SOX5: variants seen among roughly 807,000 people sequenced by gnomAD.
SOX5 encodes the protein transcription factor SOX-5.
A neutral mutation model predicts 92.0 loss-of-function variants in SOX5; 9 were observed. The ratio of observed to expected loss-of-function variants is 0.10; its 90% CI spans 0.06 to 0.17. The LOEUF (loss-of-function observed/expected upper bound fraction) is 0.17, where lower values mean the gene tolerates loss of function less well. Among genes scored for constraint, SOX5 ranks in the 10% least tolerant of loss-of-function variants. SOX5 has a pLI of 1.00. For synonymous variants in SOX5, 344 were observed against 336.3 expected (o/e 1.02, Z -0.25); for missense variants, 642 against 944.5 (o/e 0.68, Z 4.20).
At chr12:23,536,380 C>G in intron 14 of SOX5, 73 bp downstream of exon 14, 2 of 1,202,076 alleles carry the variant, frequency 1.7e-6, no homozygotes, top group Non-Finnish European at 2.4e-6. Flanking sequence ...TGCAACTGAA[C>G]AAATATGTTT....
chr12:23,539,681 G>A (rs1398563679), intron 13 of SOX5, among the ~76,000 whole-genome samples: 2 of 151,922 alleles, frequency 1.3e-5, no homozygotes, highest in Non-Finnish European at 2.9e-5. Context: ...TAAATTCTCA[G>A]ATAAGTTGGC....
At chr12:23,831,138 A>C (rs75857922) in intron 3 of SOX5, among the ~76,000 whole-genome samples, 4,437 of 152,266 alleles carry the variant, frequency 0.029, 84 homozygotes, top group Non-Finnish European at 0.045. Context: ...AAACATTTGT[A>C]AGAAAAATTA....
At chr12:23,918,925 G>GA (rs111430391) in intron 1 of SOX5, among the ~76,000 whole-genome samples, 5,092 of 126,564 alleles carry the variant, frequency 0.04, 267 homozygotes, top group African/African-American at 0.13. Context: ...TCAAAAAAAA[G>GA]AAAAAAAAAG....
intron 6 of SOX5, among the ~76,000 whole-genome samples, chr12:23,683,089 T>A (rs2086897161): frequency 6.6e-6 from 1 of 151,884 alleles, no homozygotes; most frequent in Non-Finnish European, 1.5e-5. Flanking sequence ...GTGATAGCAT[T>A]TACACAAATT....
rs147823662 is a variant in SOX5, at chr12:23,775,722, A to G, written c.482-19998T>C. On this transcript the variant is annotated intron_variant, in intron 3 of 14. Transcript: ENST00000451604. ...CTGTGGCCATCTACATGCTTTGCCA[A>G]TTAGCTGAGTTCATTGTCACTTCTG... Among the ~76,000 whole-genome samples, 151 of 152,320 alleles carry G rather than the reference A, an allele frequency of 9.9e-4. 1 individual carries two copies. The highest frequency in any genetic ancestry group is 3.2e-3 in the African/African-American group (131 of 41,570).
At position 23,809,579 on chromosome 12, in the gene SOX5, T is replaced by A. The variant is rs550501221; in HGVS notation, c.481+36404A>T. On this transcript the variant is annotated intron_variant, in intron 3 of 14. Coordinates refer to ENST00000451604, the MANE Select transcript of SOX5 (RefSeq NM_006940.6). ...ATTCTTAAATACCTTAAAATCAATT[T>A]AAGAATCATCTATTTAGTTTTTGAA... Among the ~76,000 whole-genome samples, 247 of 151,208 alleles carry A rather than the reference T, an allele frequency of 1.6e-3. 1 individual carries two copies. Among genetic ancestry groups the A allele is most frequent in the African/African-American group, 5.8e-3 (240 of 41,270 alleles).
At chr12:23,925,269 G>A (rs576464633) in intron 1 of SOX5, among the ~76,000 whole-genome samples, 3 of 152,048 alleles carry the variant, frequency 2.0e-5, no homozygotes, top group Admixed American at 6.6e-5. Flanking sequence ...TTCTGTGTGT[G>A]TTACATTTGA....
intron 3 of SOX5, among the ~76,000 whole-genome samples, chr12:23,806,746 T>C (rs370907329): frequency 6.0e-5 from 9 of 151,228 alleles, no homozygotes; most frequent in African/African-American, 2.2e-4. Context: ...AGAGCCACAG[T>C]CCCAGTAAGA....
intron 4 of SOX5, among the ~76,000 whole-genome samples, chr12:23,745,746 T>C (rs2093961051): frequency 6.6e-6 from 1 of 151,432 alleles, no homozygotes; most frequent in African/African-American, 2.4e-5. Flanking sequence ...ATTTGTTCTC[T>C]TCTTTGGGAA....
At chr12:23,866,495 T>C (rs987812483) in intron 2 of SOX5, among the ~76,000 whole-genome samples, 6 of 152,232 alleles carry the variant, frequency 3.9e-5, no homozygotes, top group African/African-American at 1.4e-4. Flanking sequence ...TTAAAACTTC[T>C]GACTAGTTAA....
chr12:23,894,728 T>C (rs1451324620), intron 2 of SOX5, among the ~76,000 whole-genome samples: 2 of 152,044 alleles, frequency 1.3e-5, no homozygotes, highest in African/African-American at 4.8e-5. Flanking sequence ...CATGAACAAG[T>C]GGACATATTT....
At chr12:23,835,093 C>T (rs1007320013) in intron 3 of SOX5, among the ~76,000 whole-genome samples, 1 of 151,802 alleles carries the variant, frequency 6.6e-6, no homozygotes, top group South Asian at 2.1e-4. Flanking sequence ...ACATTTATGA[C>T]CACTGCTGGA....
At chr12:24,436,110 C>T (rs1002725004) in intron 1 of SOX5, among the ~76,000 whole-genome samples, 1 of 152,064 alleles carries the variant, frequency 6.6e-6, no homozygotes, top group South Asian at 2.1e-4. Context: ...CAAAATGCAA[C>T]AATATTGAAG....
At chr12:23,829,625 C>T (rs9804988) in intron 3 of SOX5, among the ~76,000 whole-genome samples, 24,602 of 151,964 alleles carry the variant, frequency 0.16, 2,498 homozygotes, top group African/African-American at 0.28. Flanking sequence ...CAGTGAAGGA[C>T]AAGAAAACAG....
At chr12:24,171,529 C>G (rs1045048242) in intron 4 of SOX5, among the ~76,000 whole-genome samples, 3 of 152,042 alleles carry the variant, frequency 2.0e-5, no homozygotes, top group Non-Finnish European at 4.4e-5. Context: ...GGCCAGCCAA[C>G]AGACAGTTTT....
intron 2 of SOX5, among the ~76,000 whole-genome samples, chr12:24,340,529 T>C (rs1952458817): frequency 6.6e-6 from 1 of 152,226 alleles, no homozygotes; most frequent in African/African-American, 2.4e-5. Context: ...TGAGCAAGTT[T>C]CTGAAGCTGG....
chr12:23,670,669 G>A (rs927749399), intron 6 of SOX5, among the ~76,000 whole-genome samples: 2 of 151,784 alleles, frequency 1.3e-5, no homozygotes, highest in African/African-American at 4.8e-5. Flanking sequence ...AGGAAAATCA[G>A]GCCTGACAGA....
At chr12:23,856,975 T>A (rs11047134) in intron 2 of SOX5, among the ~76,000 whole-genome samples, 1,728 of 152,266 alleles carry the variant, frequency 0.011, 35 homozygotes, top group African/African-American at 0.039. Flanking sequence ...GTTCCATAAA[T>A]TCATATTGAG....
intron 8 of SOX5, among the ~76,000 whole-genome samples, chr12:23,608,323 C>A (rs759718500): frequency 3.3e-5 from 5 of 152,042 alleles, no homozygotes. Flanking sequence ...TAAAACATTG[C>A]ATTCTCATTC....
Sources: gnomAD v4.1 joint callset for allele counts (sites outside exome capture counted in the v4.1 genomes callset) on GRCh38, gnomAD v4.1.1 for gene constraint, MANE v1.5 for transcripts, NCBI Gene and HGNC (gene_info 2026-07-23, HGNC 2026-07-21) for gene names.